Variants in EXOG observed in about 807,000 individuals in gnomAD.
EXOG encodes exo/endonuclease G, also known as nuclease EXOG, mitochondrial.
In EXOG, 27 loss-of-function variants were observed where a neutral mutation model predicts 25.8. The ratio of observed to expected loss-of-function variants is 1.05; its 90% CI spans 0.77 to 1.45. EXOG has a LOEUF of 1.45. Ranked by LOEUF, EXOG falls within the 40% of genes most tolerant of loss-of-function variation. EXOG has a pLI of 0.00. For synonymous variants in EXOG, 133 were observed against 167.0 expected (o/e 0.80, Z 1.57); for missense variants, 458 against 450.5 (o/e 1.02, Z -0.15).
intron 5 of EXOG, among the ~76,000 whole-genome samples, chr3:38,517,927 T>C (rs1575665637): frequency 6.6e-6 from 1 of 152,362 alleles, no homozygotes; most frequent in African/African-American, 2.4e-5. Flanking sequence ...TTTATTAGTT[T>C]TGGCATTATA....
intron 5 of EXOG, among the ~76,000 whole-genome samples, chr3:38,521,501 G>T (rs2060714122): frequency 6.6e-6 from 1 of 152,224 alleles, no homozygotes. Context: ...ATTGCCGTTT[G>T]TTTGTAGACA....
Position 38,516,199 on chromosome 3 carries a change from CAT to C in EXOG, c.646-7689_646-7688del, listed in dbSNP as rs148245042. On this transcript the variant is annotated intron_variant, in intron 5 of 5. Transcript: ENST00000287675. ...TATGTGGAATATATATATGGATATC[CAT>C]ATATATATATATGTATTTTCCTTTT... is the stretch of plus-strand genomic sequence containing the variant. 2.6e-3 allele frequency among the ~76,000 whole-genome samples: 384 copies of C among 150,538 alleles called. 1 individual carries two copies. Among genetic ancestry groups the C allele is most frequent in the African/African-American group, 8.5e-3 (351 of 41,056 alleles).
At chr3:38,507,546 C>T (rs973616625) in intron 5 of EXOG, among the ~76,000 whole-genome samples, 4 of 152,098 alleles carry the variant, frequency 2.6e-5, no homozygotes, top group African/African-American at 9.7e-5. Flanking sequence ...AGATAATATG[C>T]GACTTTCTAT....
chr3:38,501,552 G>C (rs1424309662), intron 3 of EXOG, 58 bp downstream of exon 3: 1 of 1,490,794 alleles, frequency 6.7e-7, no homozygotes, highest in South Asian at 1.2e-5. Context: ...CATACAACAG[G>C]AATTAGAGGT....
intron 5 of EXOG, among the ~76,000 whole-genome samples, chr3:38,520,944 T>C (rs2060698262): frequency 6.6e-6 from 1 of 152,200 alleles, no homozygotes. Context: ...TTTCTGGAAG[T>C]CTCCCAATTT....
At chr3:38,499,896 A>G in intron 2 of EXOG, 1 of 349,576 alleles carries the variant, frequency 2.9e-6, no homozygotes, top group East Asian at 7.7e-5. Flanking sequence ...TTGGCAAACC[A>G]AAACCACATT....
chr3:38,507,399 A>T (rs896138995), intron 5 of EXOG, among the ~76,000 whole-genome samples: 1 of 152,208 alleles, frequency 6.6e-6, no homozygotes, highest in Non-Finnish European at 1.5e-5. Flanking sequence ...ATGGAGCAGG[A>T]TGAGCACAGG....
At chr3:38,512,083 T>C (rs569768077) in intron 5 of EXOG, among the ~76,000 whole-genome samples, 1 of 152,330 alleles carries the variant, frequency 6.6e-6, no homozygotes, top group Admixed American at 6.5e-5. Context: ...TTTGTAGTCT[T>C]CTAAGTCGAT....
At chr3:38,506,786 A>T in intron 4 of EXOG, 68 bp from the exon 5 acceptor site, 1 of 681,628 alleles carries the variant, frequency 1.5e-6, no homozygotes, top group South Asian at 1.9e-5. Flanking sequence ...ATAGGAATTG[A>T]TATGATTTGC....
At chr3:38,523,223 C>T in intron 5 of EXOG, 1 of 1,289,230 alleles carries the variant, frequency 7.8e-7, no homozygotes, top group Non-Finnish European at 1.0e-6. Flanking sequence ...TTTGGAGCAC[C>T]AGAAGTTCTG....
intron 2 of EXOG, among the ~76,000 whole-genome samples, chr3:38,498,420 T>TGG (rs2125745986): frequency 6.6e-6 from 1 of 152,082 alleles, no homozygotes; most frequent in African/African-American, 2.4e-5. Context: ...CTGGGCGTGG[T>TGG]GGTGCACCTC....
intron 5 of EXOG, 42 bp downstream of exon 5, chr3:38,507,010 A>C (rs768821759): frequency 1.2e-6 from 1 of 831,676 alleles, no homozygotes; most frequent in South Asian, 1.5e-5. Context: ...TCTGTATGAG[A>C]TTATAATCTC....
At chr3:38,503,868 AAG>A (rs2060120676) in intron 4 of EXOG, among the ~76,000 whole-genome samples, 177 bp downstream of exon 4, 1 of 152,212 alleles carries the variant, frequency 6.6e-6, no homozygotes, top group Admixed American at 6.5e-5. Flanking sequence ...CCTTCTACAG[AAG>A]ATCAGACTTC....
At chr3:38,514,460 G>T (rs899216928) in intron 5 of EXOG, among the ~76,000 whole-genome samples, 9 of 152,270 alleles carry the variant, frequency 5.9e-5, no homozygotes, top group African/African-American at 2.2e-4. Context: ...ATTGAATTCT[G>T]AACCCTGGAG....
intron 5 of EXOG, among the ~76,000 whole-genome samples, chr3:38,507,695 A>G (rs1474680020): frequency 6.6e-6 from 1 of 152,180 alleles, no homozygotes; most frequent in Admixed American, 6.5e-5. Context: ...GGGAAAAGGG[A>G]GCATTTGAAG....
Position 38,524,918 on chromosome 3 carries a change from A to G in EXOG, c.*556A>G. 2.0e-6 allele frequency: 2 copies of G among 985,654 alleles called. No individual in the cohort carries two copies. The highest frequency in any genetic ancestry group is 2.4e-6 in the Non-Finnish European group (2 of 830,152). 61.1% of individuals were successfully genotyped at this position (985,654 alleles called of 1,614,324 possible). On this transcript the variant is annotated 3_prime_UTR_variant, in exon 6 of 6. Coordinates refer to ENST00000287675, the MANE Select transcript of EXOG (RefSeq NM_005107.4). ...TGTGATGTATCTGCCCAGCCTTCTC[A>G]GAACTCAATGTTGTACATTTTTCCC...
Position 38,524,947 on chromosome 3 carries a change from A to G in EXOG, c.*585A>G, listed in dbSNP as rs1223328463. On this transcript the variant is annotated 3_prime_UTR_variant, in exon 6 of 6. Coordinates refer to ENST00000287675, the MANE Select transcript of EXOG (RefSeq NM_005107.4). ...CTCAATGTTGTACATTTTTCCCTCT[A>G]GGACCTGAATTGGTCTTGGAGGCAG... is the stretch of plus-strand genomic sequence containing the variant. 6 of 985,372 alleles carry G rather than the reference A, an allele frequency of 6.1e-6. No homozygotes were observed. Among genetic ancestry groups the G allele is most frequent in the Middle Eastern group, 5.2e-4 (1 of 1,936 alleles). The allele number at this position is 985,372 out of a possible 1,614,324, so 61.0% of individuals were successfully genotyped here.
At chr3:38,507,262 C>G (rs2060229324) in intron 5 of EXOG, among the ~76,000 whole-genome samples, 1 of 152,144 alleles carries the variant, frequency 6.6e-6, no homozygotes, top group South Asian at 2.1e-4. Context: ...TAAACACACA[C>G]AGTGTGGTCT....
intron 4 of EXOG, among the ~76,000 whole-genome samples, chr3:38,504,184 A>G (rs2060130569): frequency 6.6e-6 from 1 of 152,084 alleles, no homozygotes; most frequent in South Asian, 2.1e-4. Context: ...CCTGGGACAT[A>G]GTGAAGCCTT....
Sources: allele counts gnomAD v4.1 joint callset (sites outside exome capture counted in the v4.1 genomes callset), GRCh38; gene constraint gnomAD v4.1.1; transcripts MANE v1.5; gene names NCBI Gene and HGNC (gene_info 2026-07-23, HGNC 2026-07-21).